RBFOX1: variants seen among roughly 807,000 people sequenced by gnomAD.
RBFOX1 encodes the protein RNA binding fox-1 homolog 1, also known as RNA binding protein fox-1 homolog 1.
In RBFOX1, 8 loss-of-function variants were observed where a neutral mutation model predicts 57.7. That is an observed-to-expected ratio of 0.14 (90% confidence interval 0.08 to 0.25). The LOEUF (loss-of-function observed/expected upper bound fraction) is 0.25. RBFOX1 is among the 10% of genes least tolerant of loss of function. The pLI is 1.00. For synonymous variants in RBFOX1, 326 were observed against 222.4 expected, an observed-to-expected ratio of 1.47 and a Z score of -4.15; for missense variants, 611 against 548.5, an observed-to-expected ratio of 1.11 and a Z score of -1.14.
At chr16:7,177,690 G>A (rs1190656720) in intron 4 of RBFOX1, among the ~76,000 whole-genome samples, 4 of 152,138 alleles carry the variant, frequency 2.6e-5, no homozygotes, top group Admixed American at 2.6e-4. Flanking sequence ...TTCTAGGACA[G>A]GGGTCAGCAA....
chr16:6,458,371 C>T (rs2094828315), intron 2 of RBFOX1, among the ~76,000 whole-genome samples: 1 of 152,208 alleles, frequency 6.6e-6, no homozygotes, highest in African/African-American at 2.4e-5. Context: ...GCCTCTAAGG[C>T]TTCATTTCTC....
At chr16:7,413,881 G>C (rs954150563) in intron 4 of RBFOX1, among the ~76,000 whole-genome samples, 1 of 152,046 alleles carries the variant, frequency 6.6e-6, no homozygotes, top group African/African-American at 2.4e-5. Flanking sequence ...TGGCTTTTGC[G>C]AGGATTAATT....
chr16:7,066,398 G>A (rs998935275), intron 4 of RBFOX1, among the ~76,000 whole-genome samples: 4 of 152,178 alleles, frequency 2.6e-5, no homozygotes, highest in South Asian at 2.1e-4. Context: ...GAAGGGTATG[G>A]TTTTCTTTAT....
chr16:6,016,960 C>A (rs78316931), upstream of RBFOX1, among the ~76,000 whole-genome samples: 47 of 152,288 alleles, frequency 3.1e-4, no homozygotes, highest in African/African-American at 1.0e-3. Context: ...TATTCTTAAG[C>A]CATGTAGCAA....
At chr16:6,950,248 A>C (rs1269639658) in intron 3 of RBFOX1, among the ~76,000 whole-genome samples, 1 of 150,894 alleles carries the variant, frequency 6.6e-6, no homozygotes, top group Non-Finnish European at 1.5e-5. Flanking sequence ...ATGAGCCACC[A>C]TGTCCGGCCA....
At chr16:6,244,602 C>T (rs1424011278) in intron 1 of RBFOX1, among the ~76,000 whole-genome samples, 1 of 152,132 alleles carries the variant, frequency 6.6e-6, no homozygotes, top group African/African-American at 2.4e-5. Flanking sequence ...CTCTTGGGTC[C>T]CAGTTCAAGC....
At chr16:7,429,181 G>A (rs2098654082) in intron 4 of RBFOX1, among the ~76,000 whole-genome samples, 1 of 152,166 alleles carries the variant, frequency 6.6e-6, no homozygotes, top group Non-Finnish European at 1.5e-5. Flanking sequence ...GTGAACCAGA[G>A]CAAGTGGAGG....
intron 4 of RBFOX1, among the ~76,000 whole-genome samples, chr16:7,317,498 A>G (rs73561843): frequency 0.036 from 5,428 of 152,220 alleles, 199 homozygotes; most frequent in African/African-American, 0.094. Flanking sequence ...CATTAGGACC[A>G]TCACCATCAC....
intron 3 of RBFOX1, among the ~76,000 whole-genome samples, chr16:6,914,805 T>C (rs1454850225): frequency 2.0e-5 from 3 of 152,196 alleles, no homozygotes; most frequent in Non-Finnish European, 4.4e-5. Flanking sequence ...ACAAGATCGC[T>C]GAAGCCCAGG....
intron 4 of RBFOX1, among the ~76,000 whole-genome samples, chr16:7,131,970 A>G (rs1305540401): frequency 6.7e-6 from 1 of 150,244 alleles, no homozygotes; most frequent in Non-Finnish European, 1.5e-5. Context: ...TTTAAAAAAC[A>G]TTGATGACTA....
rs2059610013 is a variant in RBFOX1, at chr16:5,955,336, TAAAATAAAATAAAATAAATA to T, written c.351+88020_351+88039del. Among the ~76,000 whole-genome samples, 80 of 50,308 alleles carry T rather than the reference TAAAATAAAATAAAATAAATA, an allele frequency of 1.6e-3. 4 individuals carry two copies. Among genetic ancestry groups the T allele is most frequent in the Non-Finnish European group, 2.0e-3 (52 of 25,480 alleles). The allele number at this position is 50,308 out of a possible 152,430, so 33.0% of individuals were successfully genotyped here. ...TAAAATAAAATAAAATAAAATAAAA[TAAAATAAAATAAAATAAATA>T]AAAATAAAATAAAATAAAATAAAAT... On this transcript the variant is annotated intron_variant, in intron 4 of 19. Transcript: ENST00000641259.
intron 3 of RBFOX1, among the ~76,000 whole-genome samples, chr16:7,001,596 A>G (rs878862683): frequency 6.6e-6 from 1 of 152,062 alleles, no homozygotes; most frequent in Non-Finnish European, 1.5e-5. Context: ...AGCTGGGATT[A>G]CAGGCACGTG....
At chr16:7,666,971 A>G (rs1295728372) in intron 13 of RBFOX1, among the ~76,000 whole-genome samples, 2 of 152,168 alleles carry the variant, frequency 1.3e-5, no homozygotes, top group Non-Finnish European at 2.9e-5. Context: ...TTTGTTCATA[A>G]AACTGCCCTT....
chr16:7,377,364 A>G (rs898408055), intron 4 of RBFOX1, among the ~76,000 whole-genome samples: 1 of 152,228 alleles, frequency 6.6e-6, no homozygotes, highest in Non-Finnish European at 1.5e-5. Context: ...CATCTCATTC[A>G]GAAGAACCAG....
chr16:7,460,578 A>G (rs1320585740), intron 4 of RBFOX1, among the ~76,000 whole-genome samples: 2 of 149,854 alleles, frequency 1.3e-5, no homozygotes, highest in Non-Finnish European at 3.0e-5. Flanking sequence ...GGTGGAAGGT[A>G]GGAGGATGGA....
chr16:7,169,075 G>A lies in RBFOX1; in HGVS notation c.27+116977G>A, dbSNP rs545079344. Among the ~76,000 whole-genome samples, 4 of 152,176 alleles carry A rather than the reference G, an allele frequency of 2.6e-5. No homozygotes were observed. The South Asian group carries it at 8.3e-4, about 32-fold the overall frequency. On this transcript the variant is annotated intron_variant, in intron 4 of 15. Transcript: ENST00000550418. ...CAGTGTAGTTTGCATGTGGAGGGAG[G>A]AAGTAGGCAAATCATTCAGTGTCTC...
intron 2 of RBFOX1, among the ~76,000 whole-genome samples, chr16:5,548,171 A>AC (rs1567217534): frequency 2.7e-5 from 1 of 37,516 alleles, no homozygotes; most frequent in African/African-American, 7.5e-5. Flanking sequence ...AAAAAAAAAA[A>AC]AAAATATATA....
intron 2 of RBFOX1, among the ~76,000 whole-genome samples, chr16:5,596,465 C>G (rs1221985647): frequency 6.6e-6 from 1 of 152,184 alleles, no homozygotes; most frequent in African/African-American, 2.4e-5. Context: ...GTTTCTGTTA[C>G]TGAGAAAGAC....
chr16:6,118,280 A>T (rs2096519092), intron 1 of RBFOX1, among the ~76,000 whole-genome samples: 1 of 152,114 alleles, frequency 6.6e-6, no homozygotes, highest in Non-Finnish European at 1.5e-5. Flanking sequence ...TTGCCATATC[A>T]CCTTATGTCT....
Sources: gnomAD v4.1 joint callset for allele counts (sites outside exome capture counted in the v4.1 genomes callset) on GRCh38, gnomAD v4.1.1 for gene constraint, MANE v1.5 for transcripts, NCBI Gene and HGNC (gene_info 2026-07-23, HGNC 2026-07-21) for gene names.